The following CKAP2 variants were observed in gnomAD, a reference collection of about 807,000 sequenced individuals.
The protein encoded by CKAP2 is cytoskeleton associated protein 2, also known as cytoskeleton-associated protein 2.
CKAP2 carries 46 observed loss-of-function variants against 58.4 expected under a neutral mutation model. The observed-to-expected ratio is 0.79, with a 90% CI of 0.62 to 1.01. The LOEUF (loss-of-function observed/expected upper bound fraction) is 1.01. Ranked by LOEUF, CKAP2 falls within the 50% of genes least tolerant of loss-of-function variation. The pLI is 0.00. For synonymous variants in CKAP2, 293 were observed against 280.9 expected, an observed-to-expected ratio of 1.04 and a Z score of -0.43; for missense variants, 809 against 796.4, an observed-to-expected ratio of 1.02 and a Z score of -0.19.
chr13:52,459,146 CCT>C (rs1288034761), intron 2 of CKAP2, among the ~76,000 whole-genome samples: 1 of 151,838 alleles, frequency 6.6e-6, no homozygotes, highest in Non-Finnish European at 1.5e-5. Context: ...ACTAAGATAC[CCT>C]GTTAAGTGGC....
chr13:52,472,365 A>G (rs1958772015), intron 7 of CKAP2, among the ~76,000 whole-genome samples: 1 of 152,196 alleles, frequency 6.6e-6, no homozygotes, highest in African/African-American at 2.4e-5. Context: ...TGGCACTTAA[A>G]TATTTGTTGA....
At chr13:52,469,443 G>A (rs1461685145) in intron 7 of CKAP2, among the ~76,000 whole-genome samples, 4 of 152,178 alleles carry the variant, frequency 2.6e-5, no homozygotes, top group African/African-American at 9.6e-5. Flanking sequence ...ATGGAGATAA[G>A]AGATTCATTA....
chr13:52,465,538 C>T, intron 6 of CKAP2, 73 bp downstream of exon 6: 1 of 1,349,282 alleles, frequency 7.4e-7, no homozygotes, highest in East Asian at 2.3e-5. Context: ...AAACACATCA[C>T]AACATAACTT....
chr13:52,456,761 A>G (rs1014576650), intron 2 of CKAP2, among the ~76,000 whole-genome samples, 154 bp downstream of exon 2: 5 of 152,212 alleles, frequency 3.3e-5, no homozygotes, highest in African/African-American at 1.2e-4. Flanking sequence ...TTGTGGTACA[A>G]CGTCTTTAAA....
At chr13:52,456,086 G>C in intron 1 of CKAP2, 7 of 1,019,922 alleles carry the variant, frequency 6.9e-6, no homozygotes, top group Non-Finnish European at 8.2e-6. Context: ...TATGGAAACC[G>C]AGGGTTGGTT....
chr13:52,473,567 T>C (rs1958787463), intron 7 of CKAP2: 1 of 347,592 alleles, frequency 2.9e-6, no homozygotes, highest in Non-Finnish European at 5.2e-6. Context: ...CATCTCCCTA[T>C]ACCACAGGCA....
At chr13:52,455,658 T>G (rs965728768) in intron 1 of CKAP2, 32 bp downstream of exon 1, 9 of 510,286 alleles carry the variant, frequency 1.8e-5, no homozygotes, top group Admixed American at 5.2e-5. Flanking sequence ...GCGGTGGCGG[T>G]GGCGGTGGCG....
At position 52,455,927 on chromosome 13, in the gene CKAP2, C is replaced by T. The variant is rs1008091312; in HGVS notation, c.70+301C>T. On this transcript the variant is annotated intron_variant, in intron 1 of 8. Coordinates refer to ENST00000258607, the MANE Select transcript of CKAP2 (RefSeq NM_018204.5). ...TCAGGCCGGGGTCGGTGTCGGAGAC[C>T]CTGGGTCCGCTTGGGGGCGGGGCTG... 6.0e-6 allele frequency: 7 copies of T among 1,158,514 alleles called. No homozygotes were observed. The African/African-American group carries it at 1.2e-4, about 19-fold the overall frequency. The allele number at this position is 1,158,514 out of a possible 1,614,324, so 71.8% of individuals were successfully genotyped here.
chr13:52,470,387 G>A (rs1490745711), intron 7 of CKAP2, among the ~76,000 whole-genome samples: 2 of 152,108 alleles, frequency 1.3e-5, no homozygotes, highest in Non-Finnish European at 2.9e-5. Context: ...TGACAGGTGT[G>A]AGCCACCGCA....
At chr13:52,462,223 T>G in intron 4 of CKAP2, 140 bp from the exon 5 acceptor site, 1 of 718,806 alleles carries the variant, frequency 1.4e-6, no homozygotes, top group South Asian at 2.2e-5. Flanking sequence ...CGTTGATATG[T>G]TTAATATTTC....
chr13:52,465,187 T>G (rs1285269426), intron 5 of CKAP2, 108 bp from the exon 6 acceptor site: 5 of 904,572 alleles, frequency 5.5e-6, no homozygotes, highest in Non-Finnish European at 8.3e-6. Context: ...TTTTTTTGCT[T>G]TATGCTTAGG....
At chr13:52,472,714 C>G (rs1357103469) in intron 7 of CKAP2, among the ~76,000 whole-genome samples, 1 of 152,178 alleles carries the variant, frequency 6.6e-6, no homozygotes, top group African/African-American at 2.4e-5. Flanking sequence ...AATACATTTG[C>G]ACACTCATTC....
In CKAP2 at chr13:52,474,879, T is replaced by C; in HGVS notation, c.1803-16T>C. On this transcript the variant is annotated splice_polypyrimidine_tract_variant and intron_variant, in intron 8 of 8. Transcript: ENST00000258607. ...TAACATGTTTTTGAACTCTGGAATATTGTTTTAATTTTCAGTGTGAAAAAA... is the reference window on the plus strand; with the variant it reads ...TAACATGTTTTTGAACTCTGGAATACTGTTTTAATTTTCAGTGTGAAAAAA... 1.2e-6 allele frequency: 2 copies of C among 1,604,930 alleles called. No individual in the cohort carries two copies. Among genetic ancestry groups the C allele is most frequent in the African/African-American group, 1.3e-5 (1 of 74,604 alleles).
chr13:52,456,346 C>T lies in CKAP2; in HGVS notation c.71-177C>T, dbSNP rs563939254. Among the ~76,000 whole-genome samples the T allele has an allele frequency of 2.0e-4, 30 of 152,232 alleles. No homozygotes were observed. In the South Asian group the frequency reaches 6.2e-3, roughly 32 times the overall value. On this transcript the variant is annotated intron_variant, in intron 1 of 8. Coordinates refer to ENST00000258607, the MANE Select transcript of CKAP2 (RefSeq NM_018204.5). ...TTTGGGGACCTGTTGTGGTAACAGT[C>T]TCTTCTAAGGTGATTTCTCAAAGGC...
At chr13:52,467,602 G>C (rs943671496) in intron 6 of CKAP2, among the ~76,000 whole-genome samples, 1 of 151,924 alleles carries the variant, frequency 6.6e-6, no homozygotes, top group Admixed American at 6.6e-5. Flanking sequence ...CCAGCTACTC[G>C]AGAGGCTGAG....
At chr13:52,464,243 A>G (rs552247391) in intron 5 of CKAP2, among the ~76,000 whole-genome samples, 25 of 151,944 alleles carry the variant, frequency 1.6e-4, no homozygotes, top group Non-Finnish European at 2.8e-4. Context: ...GTTACCTAAA[A>G]TACTCAAAAA....
At position 52,474,978 on chromosome 13, in the gene CKAP2, G is replaced by T; in HGVS notation, c.1886G>T (p.Arg629Leu). 1 of 1,614,118 alleles carries T rather than the reference G, an allele frequency of 6.2e-7. No individual in the cohort carries two copies. The highest frequency in any genetic ancestry group is 8.5e-7 in the Non-Finnish European group (1 of 1,179,986). Residue 629 changes from arginine (R) to leucine (L), a missense_variant, in exon 9 of 9, where the codon CGT becomes CTT. This residue lies in a region of CKAP2 where 283 missense variants were observed against 287.6 expected (regional missense o/e 0.98). Coordinates refer to ENST00000258607, the MANE Select transcript of CKAP2 (RefSeq NM_018204.5). ...KFLTPVRRSR[R>L]LQEKTSKLPD... ...TTAACACCAGTGAGACGTTCTCGACGTCTTCAAGAGAAAACTTCTAAATTG... is the reference window on the plus strand; with the variant it reads ...TTAACACCAGTGAGACGTTCTCGACTTCTTCAAGAGAAAACTTCTAAATTG...
At chr13:52,468,438 G>A (rs1469368675) in intron 7 of CKAP2, 91 bp downstream of exon 7, 8 of 684,022 alleles carry the variant, frequency 1.2e-5, no homozygotes, top group Non-Finnish European at 1.7e-5. Flanking sequence ...AGGAGTACGT[G>A]TGCAGGATGT....
chr13:52,475,137 C>T lies in CKAP2; in HGVS notation c.2045C>T (p.Thr682Ile). 6.2e-7 allele frequency: 1 copy of T among 1,611,330 alleles called. No homozygotes were observed. The highest frequency in any genetic ancestry group is 8.5e-7 in the Non-Finnish European group (1 of 1,178,824). The change falls in exon 9 of 9, where the codon ACA (threonine) becomes ATA (isoleucine). Residue 682 changes from threonine (T) to isoleucine (I), a missense_variant. By Grantham distance (89) the Thr-to-Ile change is moderately conservative. Around this residue, in one of 3 missense-constraint regions of CKAP2, gnomAD observed 283 missense variants for 287.6 expected, o/e 0.98. Transcript: ENST00000258607. ...CGGGTGTACTATGAGGCTGATACAA[C>T]ATAAGAGAAATAAAGCTCTGTTAGG... is the stretch of plus-strand genomic sequence containing the variant. ...LCRVYYEADT[T>I] is the part of the protein sequence containing the mutation.
Sources: allele counts gnomAD v4.1 joint callset (sites outside exome capture counted in the v4.1 genomes callset), GRCh38; gene constraint gnomAD v4.1.1; regional missense constraint gnomAD v4.1.1; transcripts MANE v1.5; gene names NCBI Gene and HGNC (gene_info 2026-07-23, HGNC 2026-07-21).